Variants in COL22A1 observed in about 807,000 individuals in gnomAD.
COL22A1 encodes the protein collagen alpha-1(XXII) chain.
In COL22A1, 221 loss-of-function variants were observed where a neutral mutation model predicts 248.9. That is an observed-to-expected ratio of 0.89 (90% CI 0.80 to 0.99). The LOEUF is 0.99. COL22A1 is among the 50% of genes least tolerant of loss of function. COL22A1 has a pLI of 0.00. For synonymous variants in COL22A1, 891 were observed against 793.4 expected (o/e 1.12, Z -2.07); for missense variants, 2,240 against 2,179.0 (o/e 1.03, Z -0.56).
At chr8:138,590,510 T>C (rs545731976) in intron 64 of COL22A1, among the ~76,000 whole-genome samples, 1 of 152,162 alleles carries the variant, frequency 6.6e-6, no homozygotes, top group South Asian at 2.1e-4. Context: ...TGTAAGCTAT[T>C]TGAAAATAGG....
chr8:138,889,239 C>A (rs1011785320), intron 1 of COL22A1, among the ~76,000 whole-genome samples: 2 of 152,170 alleles, frequency 1.3e-5, no homozygotes, highest in Non-Finnish European at 2.9e-5. Flanking sequence ...TTTCCCTGAA[C>A]TCAATGGATA....
At chr8:138,640,241 C>T (rs1274688408) in intron 47 of COL22A1, among the ~76,000 whole-genome samples, 2 of 152,072 alleles carry the variant, frequency 1.3e-5, no homozygotes, top group East Asian at 3.9e-4. Context: ...TTACATTTTT[C>T]CAGAACCATC....
At chr8:138,710,024 C>T (rs759073609) in intron 30 of COL22A1, among the ~76,000 whole-genome samples, 1 of 152,210 alleles carries the variant, frequency 6.6e-6, no homozygotes, top group Non-Finnish European at 1.5e-5. Context: ...TGTTACATTC[C>T]TATAAGCAAC....
chr8:138,877,874 G>GC lies in COL22A1; in HGVS notation c.533dup (p.Glu179ArgfsTer41). 1 of 1,612,790 alleles carries GC rather than the reference G, an allele frequency of 6.2e-7. No homozygotes were observed. The highest frequency in any genetic ancestry group is 8.5e-7 in the Non-Finnish European group (1 of 1,179,588). ...CCTCCAGCTCCTCCTTGAGTGCCTCGCCCACGCCCACGGCAAAGATGCGGA... is the reference window on the plus strand; with the variant it reads ...CCTCCAGCTCCTCCTTGAGTGCCTCGCCCCACGCCCACGGCAAAGATGCGGA... On this transcript the variant is annotated frameshift_variant, in exon 3 of 65. Transcript: ENST00000303045. LOFTEE classifies it high-confidence loss of function.
intron 34 of COL22A1, 87 bp from the exon 35 acceptor site, chr8:138,693,786 T>C: frequency 1.4e-6 from 2 of 1,385,708 alleles, no homozygotes; most frequent in Non-Finnish European, 1.0e-6. Context: ...GGGAATACCG[T>C]GCTCATCAGA....
In COL22A1 at chr8:138,883,218, C is replaced by A. The variant is rs370393121; in HGVS notation, c.-46G>T. On this transcript the variant is annotated 5_prime_UTR_variant, in exon 2 of 65. Transcript: ENST00000303045. The stretch of plus-strand genomic sequence containing the variant: ...CAGGCTTCTCTTGGCCAGGAAGAGA[C>A]GCTGTTAGGGTCTACAGCAGCATGG... 2 of 1,525,910 alleles carry A rather than the reference C, an allele frequency of 1.3e-6. No individual in the cohort carries two copies. The highest frequency in any genetic ancestry group is 1.8e-6 in the Non-Finnish European group (2 of 1,124,938). 94.5% of individuals were successfully genotyped at this position (1,525,910 alleles called of 1,614,324 possible).
In COL22A1 at chr8:138,609,607, C is replaced by T. The variant is rs1046986079; in HGVS notation, c.3979-1618G>A. ...GCATAACGCTTCTCCCTGCACCTTCCTCCGCCCACCAACCCATCTGTGTCC... is the reference window on the plus strand; with the variant it reads ...GCATAACGCTTCTCCCTGCACCTTCTTCCGCCCACCAACCCATCTGTGTCC... On this transcript the variant is annotated intron_variant, in intron 56 of 64. Coordinates refer to ENST00000303045, the MANE Select transcript of COL22A1 (RefSeq NM_152888.3). 3.9e-5 allele frequency among the ~76,000 whole-genome samples: 6 copies of T among 152,208 alleles called. No individual in the cohort carries two copies. The South Asian group carries it at 1.0e-3, about 26-fold the overall frequency.
intron 3 of COL22A1, among the ~76,000 whole-genome samples, chr8:138,867,604 C>A (rs986955579): frequency 6.6e-6 from 1 of 152,180 alleles, no homozygotes; most frequent in African/African-American, 2.4e-5. Flanking sequence ...GGATTCCACT[C>A]TAGCCCCGCT....
Position 138,675,780 on chromosome 8 carries a change from G to T in COL22A1, c.3150+778C>A, listed in dbSNP as rs1276385150. On this transcript the variant is annotated intron_variant, in intron 41 of 64. Transcript: ENST00000303045. The stretch of plus-strand genomic sequence containing the variant: ...GGAAAGAAAATATGTGTTCTTTGTG[G>T]TACAAAAGGGAGAATTAAAAGCAGT... 2.6e-5 allele frequency among the ~76,000 whole-genome samples: 4 copies of T among 152,256 alleles called. No homozygotes were observed. The East Asian group carries it at 7.7e-4, about 29-fold the overall frequency.
intron 6 of COL22A1, among the ~76,000 whole-genome samples, chr8:138,821,988 G>A (rs932540397): frequency 2.6e-5 from 4 of 152,116 alleles, no homozygotes; most frequent in African/African-American, 7.2e-5. Flanking sequence ...CAGGCATTTT[G>A]GAATGGGCAA....
At chr8:138,791,462 A>C (rs1275565120) in intron 12 of COL22A1, among the ~76,000 whole-genome samples, 1 of 152,218 alleles carries the variant, frequency 6.6e-6, no homozygotes, top group East Asian at 1.9e-4. Context: ...GGTCAATTGC[A>C]AACTTAAGAG....
At chr8:138,737,390 C>G in intron 23 of COL22A1, 134 bp downstream of exon 23, 1 of 668,394 alleles carries the variant, frequency 1.5e-6, no homozygotes, top group Non-Finnish European at 2.7e-6. Context: ...ACGTGACCCA[C>G]TGGCTGTTCT....
intron 39 of COL22A1, among the ~76,000 whole-genome samples, chr8:138,681,629 C>T (rs567851441): frequency 2.0e-5 from 3 of 152,234 alleles, no homozygotes; most frequent in South Asian, 2.1e-4. Flanking sequence ...CACTGCAGAT[C>T]GGACTGGGCT....
intron 9 of COL22A1, among the ~76,000 whole-genome samples, chr8:138,809,547 G>A (rs1423673689): frequency 5.6e-5 from 1 of 17,768 alleles, no homozygotes; most frequent in Non-Finnish European, 1.7e-4. Flanking sequence ...TTGAGACAGA[G>A]TCTCACTCTA....
At chr8:138,721,068 G>A (rs1829834096) in intron 26 of COL22A1, among the ~76,000 whole-genome samples, 2 of 152,142 alleles carry the variant, frequency 1.3e-5, no homozygotes, top group South Asian at 2.1e-4. Context: ...AAAGGAAGAT[G>A]TTGCATAAGT....
intron 6 of COL22A1, among the ~76,000 whole-genome samples, chr8:138,822,147 C>T (rs776686528): frequency 7.9e-5 from 12 of 152,106 alleles, no homozygotes; most frequent in Non-Finnish European, 1.3e-4. Flanking sequence ...CAGATTTAAG[C>T]AATTCTCTTC....
chr8:138,611,484 G>A (rs999828426), intron 56 of COL22A1, among the ~76,000 whole-genome samples: 2 of 152,198 alleles, frequency 1.3e-5, no homozygotes, highest in Non-Finnish European at 2.9e-5. Flanking sequence ...CTCCTGGGGG[G>A]CTCTGGAGCA....
intron 9 of COL22A1, 75 bp downstream of exon 9, chr8:138,811,724 C>A: frequency 6.3e-7 from 1 of 1,581,146 alleles, no homozygotes; most frequent in Non-Finnish European, 8.7e-7. Context: ...ACCTGAAAGG[C>A]CACATGCATG....
chr8:138,749,465 C>T lies in COL22A1; in HGVS notation c.2085+1993G>A, dbSNP rs80289945. On this transcript the variant is annotated intron_variant, in intron 22 of 64. Coordinates refer to ENST00000303045, the MANE Select transcript of COL22A1 (RefSeq NM_152888.3). Reference sequence around the variant, plus strand: ...TCAATGCAAAATGAAAAAAGCTTCACGTACACATTAATTACATAAATGTAC... The same window carrying T: ...TCAATGCAAAATGAAAAAAGCTTCATGTACACATTAATTACATAAATGTAC... Among the ~76,000 whole-genome samples, 99 of 152,316 alleles carry T rather than the reference C, an allele frequency of 6.5e-4. 2 individuals are homozygous for T. In the East Asian group the frequency reaches 0.013, roughly 20 times the overall value.
Sources: allele counts gnomAD v4.1 joint callset (sites outside exome capture counted in the v4.1 genomes callset), GRCh38; gene constraint gnomAD v4.1.1; transcripts MANE v1.5; gene names NCBI Gene and HGNC (gene_info 2026-07-23, HGNC 2026-07-21).